The following PDE7B variants were observed in gnomAD, a reference collection of about 807,000 sequenced individuals.
PDE7B encodes 3',5'-cyclic-AMP phosphodiesterase 7B.
Under a neutral mutation model 56.2 loss-of-function variants are expected in PDE7B, and 29 were observed. That is an observed-to-expected ratio of 0.52 (90% CI 0.38 to 0.70). The LOEUF (loss-of-function observed/expected upper bound fraction) is 0.70, where lower values mean the gene tolerates loss of function less well. Ranked by LOEUF, PDE7B falls within the 30% of genes least tolerant of loss-of-function variation. PDE7B has a pLI of 0.00. For synonymous variants in PDE7B, 197 were observed against 196.9 expected (o/e 1.00, Z 0.00); for missense variants, 490 against 565.0 (o/e 0.87, Z 1.35).
intron 12 of PDE7B, among the ~76,000 whole-genome samples, chr6:136,188,786 G>A (rs1405854473): frequency 1.3e-5 from 2 of 152,142 alleles, no homozygotes; most frequent in African/African-American, 2.4e-5. Context: ...AAGGGGCTGG[G>A]GGTTGAGTGA....
intron 2 of PDE7B, among the ~76,000 whole-genome samples, chr6:135,967,665 A>G (rs557785051): frequency 6.6e-6 from 1 of 152,364 alleles, no homozygotes; most frequent in South Asian, 2.1e-4. Flanking sequence ...GTCTATGTCC[A>G]TAACTGTCCT....
At chr6:136,091,296 T>C (rs1251747145) in intron 2 of PDE7B, among the ~76,000 whole-genome samples, 2 of 152,210 alleles carry the variant, frequency 1.3e-5, no homozygotes, top group African/African-American at 2.4e-5. Context: ...TAATTTCTTT[T>C]TTCCTCCCAT....
intron 1 of PDE7B, among the ~76,000 whole-genome samples, chr6:135,919,391 C>T (rs2128195112): frequency 6.6e-6 from 1 of 152,204 alleles, no homozygotes; most frequent in Admixed American, 6.5e-5. Context: ...AAGAACTTTG[C>T]TAAGAAAAAA....
intron 2 of PDE7B, among the ~76,000 whole-genome samples, chr6:136,054,909 C>A (rs2128211751): frequency 6.6e-6 from 1 of 152,286 alleles, no homozygotes; most frequent in African/African-American, 2.4e-5. Flanking sequence ...TCCCATGATA[C>A]TTATTCACTA....
intron 2 of PDE7B, among the ~76,000 whole-genome samples, chr6:136,072,216 A>C (rs1347721008): frequency 6.6e-6 from 1 of 152,242 alleles, no homozygotes; most frequent in African/African-American, 2.4e-5. Context: ...AACAGAAAAT[A>C]AATAGGCGGG....
At chr6:136,033,736 G>T (rs1320970101) in intron 2 of PDE7B, among the ~76,000 whole-genome samples, 1 of 152,188 alleles carries the variant, frequency 6.6e-6, no homozygotes, top group Non-Finnish European at 1.5e-5. Context: ...TAAGGCCAGA[G>T]TTATCACATT....
chr6:136,027,094 T>C (rs1165783330), intron 2 of PDE7B, among the ~76,000 whole-genome samples: 1 of 152,184 alleles, frequency 6.6e-6, no homozygotes, highest in Admixed American at 6.5e-5. Context: ...ACCTGGTAGC[T>C]AGGAAGAGGG....
Position 136,173,813 on chromosome 6 carries a change from A to G in PDE7B, c.728A>G (p.Glu243Gly), listed in dbSNP as rs745670106. 3 of 1,608,158 alleles carry G rather than the reference A, an allele frequency of 1.9e-6. No homozygotes were observed. Among genetic ancestry groups the G allele is most frequent in the Non-Finnish European group, 2.6e-6 (3 of 1,174,888 alleles). ...TCTTTCTAGAATATGTCTGTGCTGG[A>G]GAATCATCACTGGCGATCTACAATT... Reference protein sequence around the residue: ...ANLYQNMSVLENHHWRSTIGM... With the variant: ...ANLYQNMSVLGNHHWRSTIGM... The change falls in exon 9 of 13, where the codon GAG becomes GGG. Residue 243 changes from glutamate (E) to glycine (G), a missense_variant. Transcript: ENST00000308191.
chr6:136,128,562 C>A (rs570044793), intron 3 of PDE7B, among the ~76,000 whole-genome samples: 3 of 151,778 alleles, frequency 2.0e-5, no homozygotes, highest in Non-Finnish European at 2.9e-5. Context: ...GGGACCCCCC[C>A]ACCCCTGGGC....
At chr6:136,066,864 T>C (rs953076245) in intron 2 of PDE7B, among the ~76,000 whole-genome samples, 9 of 151,474 alleles carry the variant, frequency 5.9e-5, no homozygotes, top group African/African-American at 2.2e-4. Flanking sequence ...TTTTTTTTTT[T>C]TTTTTGAAAT....
Position 135,900,136 on chromosome 6 carries a change from G to A in PDE7B, c.22-47328G>A, listed in dbSNP as rs1178172747. The stretch of plus-strand genomic sequence containing the variant: ...TAAAAAAACATTATCTTTTAAAAAG[G>A]GAAAACCCCTGAGAGGTAGTTTGTT... On this transcript the variant is annotated intron_variant, in intron 1 of 12. Coordinates refer to ENST00000308191, the MANE Select transcript of PDE7B (RefSeq NM_018945.4). Among the ~76,000 whole-genome samples the A allele has an allele frequency of 2.6e-5, 4 of 151,622 alleles. No individual in the cohort carries two copies. The South Asian group carries it at 8.4e-4, about 32-fold the overall frequency.
At chr6:135,859,297 G>A (rs1192680175) in intron 1 of PDE7B, among the ~76,000 whole-genome samples, 1 of 152,090 alleles carries the variant, frequency 6.6e-6, no homozygotes, top group Non-Finnish European at 1.5e-5. Context: ...CTTAAGATGA[G>A]TGTTCATGCT....
intron 8 of PDE7B, among the ~76,000 whole-genome samples, chr6:136,161,151 C>A (rs1391023602): frequency 6.6e-6 from 1 of 152,132 alleles, no homozygotes; most frequent in East Asian, 1.9e-4. Flanking sequence ...TCCTCTCTTA[C>A]TTGCTCATCC....
intron 8 of PDE7B, among the ~76,000 whole-genome samples, chr6:136,160,997 G>C (rs900841356): frequency 6.6e-6 from 1 of 152,060 alleles, no homozygotes; most frequent in African/African-American, 2.4e-5. Context: ...AACAAAACAA[G>C]ATAAAGATAT....
intron 1 of PDE7B, among the ~76,000 whole-genome samples, chr6:135,939,018 C>T (rs1216050972): frequency 6.6e-6 from 1 of 152,238 alleles, no homozygotes; most frequent in Non-Finnish European, 1.5e-5. Flanking sequence ...GCTGCTGGCA[C>T]TGCTCTAATA....
chr6:135,947,378 A>T (rs370880288), intron 1 of PDE7B, 86 bp from the exon 2 acceptor site: 2 of 1,011,554 alleles, frequency 2.0e-6, no homozygotes, highest in Admixed American at 1.8e-5. Context: ...GAATAATGTT[A>T]TGGTAATGTC....
At chr6:136,132,002 C>T (rs1223894129) in intron 3 of PDE7B, among the ~76,000 whole-genome samples, 1 of 152,100 alleles carries the variant, frequency 6.6e-6, no homozygotes, top group Non-Finnish European at 1.5e-5. Context: ...TAAGAAATGT[C>T]CTCTTATTGG....
chr6:135,960,436 G>A (rs1044922342), intron 2 of PDE7B, among the ~76,000 whole-genome samples: 2 of 152,320 alleles, frequency 1.3e-5, no homozygotes, highest in South Asian at 4.1e-4. Flanking sequence ...ACATTAGTAA[G>A]TATGAACCAA....
chr6:135,885,082 C>T (rs1292566723), intron 1 of PDE7B, among the ~76,000 whole-genome samples: 1 of 152,116 alleles, frequency 6.6e-6, no homozygotes, highest in East Asian at 1.9e-4. Flanking sequence ...TGATCCAACC[C>T]TCCACTCTCC....
Sources: gnomAD v4.1 joint callset for allele counts (sites outside exome capture counted in the v4.1 genomes callset) on GRCh38, gnomAD v4.1.1 for gene constraint, MANE v1.5 for transcripts, NCBI Gene and HGNC (gene_info 2026-07-23, HGNC 2026-07-21) for gene names.